Variants in GPM6B observed in about 807,000 individuals in gnomAD.
The protein encoded by GPM6B is glycoprotein M6B.
Under a neutral mutation model 27.2 loss-of-function variants are expected in GPM6B, and 4 were observed. The ratio of observed to expected loss-of-function variants is 0.15; its 90% confidence interval spans 0.07 to 0.34. GPM6B has a LOEUF of 0.34. GPM6B is among the 10% of genes least tolerant of loss of function. The probability of loss-of-function intolerance (pLI) is 1.00; values close to 1 mark genes in which losing one functional copy is unlikely to be tolerated. For synonymous variants in GPM6B, 124 were observed against 103.1 expected (o/e 1.20, Z -1.23); for missense variants, 183 against 261.9 (o/e 0.70, Z 2.08).
At chrX:13,894,038 G>A (rs2050210977) in intron 1 of GPM6B, among the ~76,000 whole-genome samples, 1 of 111,787 alleles carries the variant, frequency 8.9e-6, no homozygotes, top group African/African-American at 3.3e-5. Context: ...ACTTGCTGGC[G>A]CCAGGCCTGG....
intron 1 of GPM6B, among the ~76,000 whole-genome samples, chrX:13,845,148 CCCTGCTA>C (rs1314064335): frequency 9.1e-6 from 1 of 110,223 alleles, no homozygotes; most frequent in Non-Finnish European, 1.9e-5. Context: ...CGTCACCATG[CCCTGCTA>C]ATTTTTGTAT....
At chrX:13,937,256 T>A (rs774474973) in intron 1 of GPM6B, among the ~76,000 whole-genome samples, 2 of 112,097 alleles carry the variant, frequency 1.8e-5, no homozygotes, top group Non-Finnish European at 3.8e-5. Context: ...CATATTTTGA[T>A]CACCTAGTAA....
At chrX:13,855,026 CT>C (rs5901520) in intron 1 of GPM6B, among the ~76,000 whole-genome samples, 30,878 of 105,163 alleles carry the variant, frequency 0.29, 3,903 homozygotes, top group African/African-American at 0.45. Flanking sequence ...AGCCACTCCC[CT>C]TTTTTTTTTG....
At chrX:13,780,818 CCA>C (rs2048503466) in intron 4 of GPM6B, 1 of 185,619 alleles carries the variant, frequency 5.4e-6, no homozygotes, top group Non-Finnish European at 1.0e-5. Flanking sequence ...GAAGGCGCGC[CCA>C]CAGAGGGTGT....
intron 2 of GPM6B, among the ~76,000 whole-genome samples, chrX:13,787,381 C>G (rs1210452967): frequency 9.0e-6 from 1 of 111,102 alleles, no homozygotes; most frequent in African/African-American, 3.3e-5. Context: ...ACAGTAAAAC[C>G]CCGTCTCTAC....
chrX:13,930,037 A>C (rs989906521), intron 1 of GPM6B, among the ~76,000 whole-genome samples: 4 of 112,330 alleles, frequency 3.6e-5, no homozygotes, highest in Non-Finnish European at 5.6e-5. Flanking sequence ...CCAAGTTCAA[A>C]TATACTGAAT....
intron 5 of GPM6B, among the ~76,000 whole-genome samples, chrX:13,777,972 TTGTC>T (rs1359710924): frequency 8.9e-6 from 1 of 112,132 alleles, no homozygotes; most frequent in Non-Finnish European, 1.9e-5. Context: ...GATTTGTACT[TTGTC>T]TTTGTTTTTA....
intron 1 of GPM6B, among the ~76,000 whole-genome samples, chrX:13,808,661 A>C (rs1476941959): frequency 9.0e-6 from 1 of 111,275 alleles, no homozygotes; most frequent in Non-Finnish European, 1.9e-5. Context: ...GGCACCACAA[A>C]TATTTAAGGA....
At chrX:13,859,956 C>T (rs961189287) in intron 1 of GPM6B, among the ~76,000 whole-genome samples, 1 of 111,830 alleles carries the variant, frequency 8.9e-6, no homozygotes, top group Non-Finnish European at 1.9e-5. Flanking sequence ...TGCATCATTC[C>T]TTTTCTTGAC....
chrX:13,804,506 C>T (rs1322385805), intron 2 of GPM6B, among the ~76,000 whole-genome samples: 2 of 109,681 alleles, frequency 1.8e-5, no homozygotes, highest in African/African-American at 3.3e-5. Context: ...ACATGTCCAA[C>T]GCAGCTAAAA....
At chrX:13,800,994 A>G (rs745483236) in intron 2 of GPM6B, among the ~76,000 whole-genome samples, 1 of 109,028 alleles carries the variant, frequency 9.2e-6, no homozygotes, top group African/African-American at 3.3e-5. Context: ...ATTTTTAACC[A>G]GCATTCTTAG....
intron 1 of GPM6B, among the ~76,000 whole-genome samples, chrX:13,917,158 G>A (rs143149679): frequency 0.018 from 1,961 of 111,806 alleles, 49 homozygotes; most frequent in African/African-American, 0.06. Flanking sequence ...GTTGCAATGA[G>A]CCATAATCAC....
chrX:13,798,539 A>C (rs2048858436), intron 2 of GPM6B, among the ~76,000 whole-genome samples: 1 of 112,835 alleles, frequency 8.9e-6, no homozygotes, highest in Admixed American at 9.3e-5. Context: ...TGTTGCATAA[A>C]TAAATATATG....
intron 1 of GPM6B, among the ~76,000 whole-genome samples, chrX:13,860,978 C>T (rs1039294693): frequency 3.7e-5 from 4 of 108,032 alleles, no homozygotes; most frequent in Admixed American, 1.0e-4. Flanking sequence ...CTTTATATGG[C>T]TGAGTATTCC....
chrX:13,846,683 C>T lies in GPM6B; in HGVS notation c.-197-60875G>A, dbSNP rs756155047. Among the ~76,000 whole-genome samples the T allele has an allele frequency of 7.5e-4, 81 of 108,697 alleles. 1 individual carries two copies. In the South Asian group the frequency reaches 0.029, roughly 39 times the overall value. 94.4% of individuals were successfully genotyped at this position (108,697 alleles called of 115,157 possible). Reference sequence around the variant, plus strand: ...ATTTTTGTATTTTTTTTAGTAGAGACGGGGTTTCACCATGTTAGCCAGGAT... The same window carrying T: ...ATTTTTGTATTTTTTTTAGTAGAGATGGGGTTTCACCATGTTAGCCAGGAT... On this transcript the variant is annotated intron_variant, in intron 1 of 6. Transcript: ENST00000398361.
chrX:13,937,298 T>A (rs1199336693), intron 1 of GPM6B, among the ~76,000 whole-genome samples: 1 of 112,204 alleles, frequency 8.9e-6, no homozygotes, highest in East Asian at 2.8e-4. Flanking sequence ...GAAAATTATT[T>A]GAGCTTCCTT....
chrX:13,904,755 G>T (rs946166848), intron 1 of GPM6B, among the ~76,000 whole-genome samples: 1 of 110,391 alleles, frequency 9.1e-6, no homozygotes, highest in Non-Finnish European at 1.9e-5. Context: ...ACACTCTCGG[G>T]GTATGTGTCC....
At chrX:13,781,515 A>G (rs148829591) in intron 4 of GPM6B, among the ~76,000 whole-genome samples, 2,204 of 111,704 alleles carry the variant, frequency 0.02, 52 homozygotes, top group African/African-American at 0.068. Context: ...AGACAAATGC[A>G]TATCTGATTG....
At chrX:13,933,949 T>C (rs1159657683) in intron 1 of GPM6B, among the ~76,000 whole-genome samples, 1 of 111,499 alleles carries the variant, frequency 9.0e-6, no homozygotes, top group Non-Finnish European at 1.9e-5. Context: ...ATCAGCAAAT[T>C]AATGTTTAAA....
Sources: gnomAD v4.1 joint callset for allele counts (sites outside exome capture counted in the v4.1 genomes callset) on GRCh38, gnomAD v4.1.1 for gene constraint, MANE v1.5 for transcripts, NCBI Gene and HGNC (gene_info 2026-07-23, HGNC 2026-07-21) for gene names.